Variants in KCTD2 observed in about 807,000 individuals in gnomAD.
KCTD2 encodes the protein potassium channel tetramerization domain containing 2.
Under a neutral mutation model 27.9 loss-of-function variants are expected in KCTD2, and 18 were observed. That is an observed-to-expected ratio of 0.64 (90% confidence interval 0.45 to 0.96). KCTD2 has a LOEUF of 0.96. Among genes scored for constraint, KCTD2 ranks in the 40% least tolerant of loss-of-function variants. KCTD2 has a pLI of 0.00. For missense variants in KCTD2, 280 were observed against 348.0 expected (o/e 0.80, Z 1.56); for synonymous variants, 175 against 148.4 (o/e 1.18, Z -1.30).
intron 2 of KCTD2, chr17:75,035,168 C>T (rs188459486): frequency 3.3e-5 from 5 of 152,200 alleles, no homozygotes; most frequent in African/African-American, 4.8e-5. Flanking sequence ...ATTGAGGGTT[C>T]GAGTCCCTTC....
In KCTD2 at chr17:75,048,043, T is replaced by C. The variant is rs897205086; in HGVS notation, c.339+454T>C. On this transcript the variant is annotated intron_variant, in intron 1 of 5. Coordinates refer to ENST00000322444, the MANE Select transcript of KCTD2 (RefSeq NM_015353.3). ...CTCCCTCTCGGACCCCTCTGCCAAG[T>C]TGGGCTTCCACAGCTGCAGGAAGCG... Among the ~76,000 whole-genome samples, 4 of 152,212 alleles carry C rather than the reference T, an allele frequency of 2.6e-5. No homozygotes were observed. The East Asian group carries it at 7.7e-4, about 29-fold the overall frequency.
upstream of KCTD2, chr17:75,042,609 T>C (rs775901694): frequency 6.2e-7 from 1 of 1,612,872 alleles, no homozygotes; most frequent in Non-Finnish European, 8.5e-7. Flanking sequence ...CTGCAAAAGC[T>C]ACCCAGTCAA....
exon 2 of KCTD2, chr17:75,034,070 C>A (rs1180284445): frequency 6.6e-6 from 1 of 152,196 alleles, no homozygotes; most frequent in Admixed American, 6.5e-5. Flanking sequence ...GTTCGACTCC[C>A]GTGCAACGTG....
chr17:75,040,504 A>G (rs8080887), intron 3 of KCTD2: 18,667 of 299,918 alleles, frequency 0.062, 1,225 homozygotes, highest in African/African-American at 0.18. Flanking sequence ...CTTGAATTGT[A>G]AAGAAATTCT....
intron 3 of KCTD2, among the ~76,000 whole-genome samples, chr17:75,055,473 T>C (rs1253972326): frequency 6.6e-6 from 1 of 151,884 alleles, no homozygotes; most frequent in African/African-American, 2.4e-5. Flanking sequence ...CCCAGCACTC[T>C]GGGAGGCTGA....
At chr17:75,051,097 C>T (rs951022175) in intron 2 of KCTD2, among the ~76,000 whole-genome samples, 6 of 151,476 alleles carry the variant, frequency 4.0e-5, no homozygotes, top group Non-Finnish European at 7.4e-5. Context: ...CCTCAGCCTC[C>T]CGAGTAGCTG....
In KCTD2 at chr17:75,049,766, G is replaced by A. The variant is rs529387850; in HGVS notation, c.448+438G>A. On this transcript the variant is annotated intron_variant, in intron 2 of 5. Coordinates refer to ENST00000322444, the MANE Select transcript of KCTD2 (RefSeq NM_015353.3). ...TGGCCTCATTTCTTTTAAGACTCTG[G>A]CCTCATGCTTCCCTGTAAATGTTTG... is the stretch of plus-strand genomic sequence containing the variant. Among the ~76,000 whole-genome samples, 32 of 152,320 alleles carry A rather than the reference G, an allele frequency of 2.1e-4. 1 individual carries two copies. In the East Asian group the frequency reaches 5.8e-3, roughly 27 times the overall value.
chr17:75,058,478 T>G (rs144034370), intron 3 of KCTD2, among the ~76,000 whole-genome samples: 3,574 of 150,646 alleles, frequency 0.024, 140 homozygotes, highest in African/African-American at 0.083. Flanking sequence ...CACTCCAGAC[T>G]GGGCAACAGA....
upstream of KCTD2, chr17:75,046,953 T>G (rs532615747): frequency 5.9e-6 from 1 of 168,132 alleles, no homozygotes; most frequent in Admixed American, 6.4e-5. Context: ...CCCACGGTCC[T>G]CCGCAGCAAG....
chr17:75,053,348 A>G (rs1244669184), intron 3 of KCTD2, among the ~76,000 whole-genome samples: 2 of 152,084 alleles, frequency 1.3e-5, no homozygotes. Flanking sequence ...TGGCGGGAGG[A>G]GGCGCCCAGG....
chr17:75,037,271 G>A (rs546085553), intron 3 of KCTD2, among the ~76,000 whole-genome samples: 1 of 151,264 alleles, frequency 6.6e-6, no homozygotes, highest in Non-Finnish European at 1.5e-5. Flanking sequence ...GTGAACCCGG[G>A]AGGCAAAGGT....
intron 1 of KCTD2, among the ~76,000 whole-genome samples, 162 bp downstream of exon 1, chr17:75,047,751 C>T (rs1421879207): frequency 6.6e-6 from 1 of 152,060 alleles, no homozygotes; most frequent in Non-Finnish European, 1.5e-5. Flanking sequence ...CTCAGAGGGA[C>T]CTCCCACTCC....
intron 2 of KCTD2, among the ~76,000 whole-genome samples, chr17:75,034,325 G>A (rs533766385): frequency 1.3e-5 from 2 of 152,246 alleles, no homozygotes; most frequent in East Asian, 3.9e-4. Flanking sequence ...GAAGGCGAGG[G>A]GCGCAAACAG....
chr17:75,062,374 G>C (rs1046045290), intron 5 of KCTD2, 129 bp downstream of exon 5: 1 of 862,698 alleles, frequency 1.2e-6, no homozygotes. Flanking sequence ...TTTTCCCCTC[G>C]TTTTGTTATT....
In KCTD2 at chr17:75,060,446, A is replaced by G. The variant is rs2073392824; in HGVS notation, c.636+841A>G. ...TTCAAAAAGCCAAAAAAGTCCTCTA[A>G]CATAAGCCTTCCAAGGTGATACTTT... is the stretch of plus-strand genomic sequence containing the variant. On this transcript the variant is annotated intron_variant, in intron 4 of 5. Transcript: ENST00000322444. The G allele has an allele frequency of 2.5e-6, 4 of 1,609,486 alleles. No individual in the cohort carries two copies. In the East Asian group the frequency reaches 8.9e-5, roughly 36 times the overall value.
chr17:75,041,018 T>A (rs1324065968), intron 3 of KCTD2: 1 of 151,696 alleles, frequency 6.6e-6, no homozygotes, highest in African/African-American at 2.4e-5. Flanking sequence ...TGTGTAAATA[T>A]CAGAGGAGGA....
chr17:75,060,679 C>T, intron 4 of KCTD2: 1 of 1,419,428 alleles, frequency 7.0e-7, no homozygotes, highest in Non-Finnish European at 9.4e-7. Context: ...GAGGGCGGGT[C>T]AGGCTGCACT....
intron 3 of KCTD2, chr17:75,035,376 CTTG>C (rs1056616730): frequency 1.3e-5 from 2 of 152,152 alleles, no homozygotes; most frequent in Admixed American, 6.5e-5. Context: ...GGCCCCATTT[CTTG>C]TTGTCTCTCT....
rs186089870 is a variant in KCTD2, at chr17:75,041,247, C to T, written c.-259+5890C>T. On this transcript the variant is annotated intron_variant, in intron 3 of 7. Transcript: ENST00000581589. ...TGGTGGTGCTGTGGTCCCAGTTACT[C>T]GGGGGGATGAGGTGGGAGGAAGGCT... 42 of 149,440 alleles carry T rather than the reference C, an allele frequency of 2.8e-4. No individual in the cohort carries two copies. In the East Asian group the frequency reaches 7.0e-3, roughly 25 times the overall value. The allele number at this position is 149,440 out of a possible 1,614,324, so 9.3% of individuals were successfully genotyped here. A position where few individuals can be genotyped will look rare whatever the true frequency, so the allele number is the denominator to read the frequency against.
Sources: gnomAD v4.1 joint callset for allele counts (sites outside exome capture counted in the v4.1 genomes callset) on GRCh38, gnomAD v4.1.1 for gene constraint, MANE v1.5 for transcripts, NCBI Gene and HGNC (gene_info 2026-07-23, HGNC 2026-07-21) for gene names.